Variants in EVA1C observed in about 807,000 individuals in gnomAD.
EVA1C encodes the protein protein eva-1 homolog C.
A neutral mutation model predicts 45.4 loss-of-function variants in EVA1C; 25 were observed. The observed-to-expected ratio is 0.55, with a 90% CI of 0.40 to 0.77. EVA1C has a LOEUF of 0.77. EVA1C is among the 30% of genes least tolerant of loss of function. EVA1C has a pLI of 0.00. For missense variants in EVA1C, 479 were observed against 554.8 expected (o/e 0.86, Z 1.37); for synonymous variants, 190 against 221.2 (o/e 0.86, Z 1.25).
At chr21:32,482,884 A>T in intron 4 of EVA1C, among the ~76,000 whole-genome samples, 1 of 900 alleles carries the variant, frequency 1.1e-3, no homozygotes. Flanking sequence ...TTGGAGACAG[A>T]GTCTTGTTGT....
intron 7 of EVA1C, among the ~76,000 whole-genome samples, chr21:32,512,506 C>G (rs1368280617): frequency 6.6e-6 from 1 of 152,126 alleles, no homozygotes; most frequent in Non-Finnish European, 1.5e-5. Flanking sequence ...ATTGATTGCT[C>G]TGCTGTGACC....
At chr21:32,453,610 G>C in intron 2 of EVA1C, 102 bp downstream of exon 2, 1 of 868,490 alleles carries the variant, frequency 1.2e-6, no homozygotes, top group South Asian at 2.1e-5. Flanking sequence ...TTCAATCCAA[G>C]CAAAACTGAT....
chr21:32,505,713 G>A (rs577039780), intron 7 of EVA1C, among the ~76,000 whole-genome samples: 5 of 152,294 alleles, frequency 3.3e-5, no homozygotes, highest in Middle Eastern at 3.4e-3. Flanking sequence ...CTGGGTTGTG[G>A]ACAGCAGCCT....
chr21:32,500,353 G>A (rs1568947635), intron 5 of EVA1C, among the ~76,000 whole-genome samples: 2 of 151,980 alleles, frequency 1.3e-5, no homozygotes, highest in Non-Finnish European at 2.9e-5. Context: ...GTTTCGCCAT[G>A]TTGGCCAGCC....
chr21:32,509,761 T>C (rs2037885933), intron 7 of EVA1C, among the ~76,000 whole-genome samples: 1 of 150,512 alleles, frequency 6.6e-6, no homozygotes, highest in African/African-American at 2.4e-5. Flanking sequence ...ACAGGGGACC[T>C]GGCTAGGCTA....
At chr21:32,449,220 A>G (rs2146233087) in intron 1 of EVA1C, among the ~76,000 whole-genome samples, 1 of 152,326 alleles carries the variant, frequency 6.6e-6, no homozygotes, top group East Asian at 1.9e-4. Context: ...ACAAATCACT[A>G]TCACCCAGAG....
chr21:32,451,918 G>A (rs535309225), intron 1 of EVA1C, among the ~76,000 whole-genome samples: 7 of 152,274 alleles, frequency 4.6e-5, no homozygotes, highest in East Asian at 3.9e-4. Context: ...CCTGATGAAC[G>A]TGAATTTGAG....
chr21:32,447,653 C>T (rs564098219), intron 1 of EVA1C, among the ~76,000 whole-genome samples: 1 of 152,166 alleles, frequency 6.6e-6, no homozygotes, highest in Admixed American at 6.5e-5. Flanking sequence ...CGTTATTCTG[C>T]CTACCACATG....
At chr21:32,497,268 C>T (rs1311590943) in intron 5 of EVA1C, 18 of 749,946 alleles carry the variant, frequency 2.4e-5, no homozygotes, top group Middle Eastern at 2.9e-4. Context: ...GAACACATGA[C>T]ATTAGATCAA....
At chr21:32,507,659 TGTGTGCATGC>T (rs775188196) in intron 7 of EVA1C, among the ~76,000 whole-genome samples, 1 of 151,646 alleles carries the variant, frequency 6.6e-6, no homozygotes, top group Non-Finnish European at 1.5e-5. Flanking sequence ...GGTGTGCCTG[TGTGTGCATGC>T]ATGTGTATCT....
chr21:32,473,346 A>T (rs1001177782), intron 4 of EVA1C, among the ~76,000 whole-genome samples: 2 of 152,160 alleles, frequency 1.3e-5, no homozygotes, highest in African/African-American at 2.4e-5. Context: ...AGGGAAAGGG[A>T]CCATTGTCGG....
rs1017325014 is a variant in EVA1C, at chr21:32,412,808, C to T, written c.-46C>T. Reference sequence around the variant, plus strand: ...GACGCCGTCCTTAGCCCTGCGACCCCCAGCGCGTCCCGGGCCTGCGCCTCC... The same window carrying T: ...GACGCCGTCCTTAGCCCTGCGACCCTCAGCGCGTCCCGGGCCTGCGCCTCC... On this transcript the variant is annotated 5_prime_UTR_variant, in exon 1 of 8. Transcript: ENST00000300255. The T allele has an allele frequency of 2.2e-5, 30 of 1,343,686 alleles. No individual in the cohort carries two copies. The highest frequency in any genetic ancestry group is 2.7e-5 in the Non-Finnish European group (29 of 1,055,042). 83.2% of individuals were successfully genotyped at this position (1,343,686 alleles called of 1,614,324 possible).
At chr21:32,506,596 A>G (rs2146454100) in intron 7 of EVA1C, among the ~76,000 whole-genome samples, 1 of 151,994 alleles carries the variant, frequency 6.6e-6, no homozygotes, top group Non-Finnish European at 1.5e-5. Flanking sequence ...CTAGTAGAAC[A>G]GGTGCCTCTG....
chr21:32,450,206 A>C (rs1011243175), intron 1 of EVA1C, among the ~76,000 whole-genome samples: 11 of 152,160 alleles, frequency 7.2e-5, no homozygotes, highest in African/African-American at 2.7e-4. Context: ...GGAGGAGGTC[A>C]AGTTCTGTTT....
chr21:32,413,251 C>T (rs900138626), intron 1 of EVA1C, among the ~76,000 whole-genome samples: 1 of 152,378 alleles, frequency 6.6e-6, no homozygotes, highest in African/African-American at 2.4e-5. Context: ...TCTCGCCCTG[C>T]TGTTGACCTC....
intron 1 of EVA1C, among the ~76,000 whole-genome samples, chr21:32,432,271 G>T (rs970960131): frequency 6.6e-6 from 1 of 152,062 alleles, no homozygotes; most frequent in Admixed American, 6.6e-5. Flanking sequence ...GAAGGTGGGC[G>T]CAGGTTCATT....
Position 32,432,514 on chromosome 21 carries a change from G to A in EVA1C, c.160+19501G>A, listed in dbSNP as rs558312017. Among the ~76,000 whole-genome samples the A allele has an allele frequency of 5.3e-5, 8 of 152,270 alleles. No homozygotes were observed. The East Asian group carries it at 7.7e-4, about 15-fold the overall frequency. The stretch of plus-strand genomic sequence containing the variant: ...GGCATTAGGATGAAGAGGAAGGAGA[G>A]CATTCTGTCTAGAAGGGGTTTGGGG... On this transcript the variant is annotated intron_variant, in intron 1 of 7. Coordinates refer to ENST00000300255, the MANE Select transcript of EVA1C (RefSeq NM_058187.5).
intron 1 of EVA1C, among the ~76,000 whole-genome samples, chr21:32,448,916 G>GAAAGAAAGAGAGAAAGAGAGAA (rs60517808): frequency 6.9e-6 from 1 of 145,940 alleles, no homozygotes; most frequent in Non-Finnish European, 1.5e-5. Flanking sequence ...AAGGAGAAAA[G>GAAAGAAAGAGAGAAAGAGAGAA]AGAGAAAGAA....
At chr21:32,454,885 G>A (rs1049236808) in intron 2 of EVA1C, among the ~76,000 whole-genome samples, 37 of 152,278 alleles carry the variant, frequency 2.4e-4, no homozygotes, top group African/African-American at 7.5e-4. Flanking sequence ...GTATTTAGGT[G>A]ATTGGTGAAA....
Sources: gnomAD v4.1 joint callset for allele counts (sites outside exome capture counted in the v4.1 genomes callset) on GRCh38, gnomAD v4.1.1 for gene constraint, MANE v1.5 for transcripts, NCBI Gene and HGNC (gene_info 2026-07-23, HGNC 2026-07-21) for gene names.